DACH1: variants seen among roughly 807,000 people sequenced by gnomAD.
The protein encoded by DACH1 is dachshund homolog 1.
DACH1 carries 12 observed loss-of-function variants against 54.2 expected under a neutral mutation model. The ratio of observed to expected loss-of-function variants is 0.22; its 90% confidence interval spans 0.14 to 0.36. The LOEUF is 0.36. Among genes scored for constraint, DACH1 ranks in the 10% least tolerant of loss-of-function variants. DACH1 has a pLI of 1.00. For missense variants in DACH1, 805 were observed against 929.8 expected, an observed-to-expected ratio of 0.87 and a Z score of 1.75; for synonymous variants, 386 against 366.2, an observed-to-expected ratio of 1.05 and a Z score of -0.62.
chr13:71,822,034 C>G (rs1238930891), intron 1 of DACH1, among the ~76,000 whole-genome samples: 1 of 152,064 alleles, frequency 6.6e-6, no homozygotes, highest in Non-Finnish European at 1.5e-5. Context: ...GCACTCCAGC[C>G]TGGCAACAGA....
At chr13:71,837,102 G>C (rs1224884002) in intron 1 of DACH1, among the ~76,000 whole-genome samples, 1 of 151,736 alleles carries the variant, frequency 6.6e-6, no homozygotes, top group Non-Finnish European at 1.5e-5. Flanking sequence ...AGGGGGAAAT[G>C]AAAATGCATT....
In DACH1 at chr13:71,707,504, G is replaced by T. The variant is rs539352415; in HGVS notation, c.849-25594C>A. ...AACACTTGGTCATGAAAGTGAACTG[G>T]AATTTGGCAAGGGAAAAGAAAGTAA... On this transcript the variant is annotated intron_variant, in intron 1 of 10. Transcript: ENST00000613252. Among the ~76,000 whole-genome samples the T allele has an allele frequency of 1.1e-4, 17 of 152,286 alleles. No individual in the cohort carries two copies. The South Asian group carries it at 3.3e-3, about 30-fold the overall frequency.
intron 1 of DACH1, among the ~76,000 whole-genome samples, chr13:71,829,978 A>G (rs889566738): frequency 1.3e-5 from 2 of 151,884 alleles, no homozygotes; most frequent in Non-Finnish European, 2.9e-5. Flanking sequence ...ATTAATTTGT[A>G]TGCTTTACCT....
chr13:71,695,515 C>T (rs573099804), intron 1 of DACH1, among the ~76,000 whole-genome samples: 6 of 152,082 alleles, frequency 3.9e-5, no homozygotes, highest in East Asian at 3.9e-4. Context: ...AGTCTTCAAG[C>T]GTGAGTATTA....
chr13:71,571,919 TAGATAC>T (rs1172271632), intron 4 of DACH1, among the ~76,000 whole-genome samples: 1 of 151,928 alleles, frequency 6.6e-6, no homozygotes, highest in Non-Finnish European at 1.5e-5. Context: ...GTATTTTTGA[TAGATAC>T]GGGGTTTCAC....
intron 1 of DACH1, among the ~76,000 whole-genome samples, chr13:71,703,652 C>T (rs376157279): frequency 2.0e-5 from 3 of 152,056 alleles, no homozygotes; most frequent in Non-Finnish European, 2.9e-5. Flanking sequence ...AAGTAAACAA[C>T]CTTTATGTGA....
At chr13:71,554,726 T>C (rs1211637450) in intron 6 of DACH1, among the ~76,000 whole-genome samples, 1 of 152,116 alleles carries the variant, frequency 6.6e-6, no homozygotes, top group Non-Finnish European at 1.5e-5. Context: ...ATTCTAGTAG[T>C]GGAAGGATAG....
chr13:71,449,598 G>A (rs1012788099), intron 10 of DACH1, among the ~76,000 whole-genome samples: 1 of 151,734 alleles, frequency 6.6e-6, no homozygotes, highest in African/African-American at 2.4e-5. Flanking sequence ...CCTAGATGAT[G>A]GGTTGATGGG....
intron 1 of DACH1, among the ~76,000 whole-genome samples, chr13:71,734,197 A>AC (rs756535754): frequency 0.74 from 43,831 of 59,272 alleles, 17,719 homozygotes; most frequent in Non-Finnish European, 0.84. Context: ...ATATACGTAT[A>AC]CCCATATATA....
At chr13:71,611,699 A>G (rs764498826) in intron 3 of DACH1, among the ~76,000 whole-genome samples, 1 of 152,216 alleles carries the variant, frequency 6.6e-6, no homozygotes, top group Non-Finnish European at 1.5e-5. Context: ...TTTCAGATTT[A>G]ATATTACATG....
At chr13:71,655,359 C>CT (rs764085708) in intron 2 of DACH1, among the ~76,000 whole-genome samples, 6,085 of 142,914 alleles carry the variant, frequency 0.043, 203 homozygotes, top group Admixed American at 0.098. Flanking sequence ...GGTGATGTCT[C>CT]TTTTTTTTTT....
intron 1 of DACH1, among the ~76,000 whole-genome samples, chr13:71,835,115 T>C (rs1237484541): frequency 1.3e-5 from 2 of 152,022 alleles, no homozygotes; most frequent in South Asian, 2.1e-4. Context: ...GTGAAAACTT[T>C]GGAAATGTTG....
chr13:71,679,408 T>G (rs1490394954), intron 2 of DACH1, among the ~76,000 whole-genome samples: 1 of 152,160 alleles, frequency 6.6e-6, no homozygotes, highest in Non-Finnish European at 1.5e-5. Context: ...TAATCATTAC[T>G]TTGGTAATGA....
At chr13:71,600,544 T>C (rs1331507192) in intron 3 of DACH1, among the ~76,000 whole-genome samples, 1 of 151,968 alleles carries the variant, frequency 6.6e-6, no homozygotes, top group Non-Finnish European at 1.5e-5. Context: ...CATATTTATA[T>C]AATTATAAAA....
intron 10 of DACH1, among the ~76,000 whole-genome samples, chr13:71,444,737 A>G (rs889986149): frequency 6.6e-6 from 1 of 152,182 alleles, no homozygotes; most frequent in African/African-American, 2.4e-5. Flanking sequence ...CCATATTTAC[A>G]TTAACTAGCC....
At chr13:71,588,622 G>C (rs1231809604) in intron 3 of DACH1, among the ~76,000 whole-genome samples, 1 of 151,942 alleles carries the variant, frequency 6.6e-6, no homozygotes, top group Non-Finnish European at 1.5e-5. Context: ...ACAAATGATA[G>C]TCTATTGTAA....
chr13:71,588,726 A>G (rs531238552), intron 3 of DACH1, among the ~76,000 whole-genome samples: 1 of 151,446 alleles, frequency 6.6e-6, no homozygotes, highest in East Asian at 2.0e-4. Flanking sequence ...TTACAATAGA[A>G]ACACTAAGCC....
At chr13:71,664,940 A>T (rs1202796755) in intron 2 of DACH1, among the ~76,000 whole-genome samples, 1 of 152,064 alleles carries the variant, frequency 6.6e-6, no homozygotes, top group Non-Finnish European at 1.5e-5. Context: ...CAATTGTGAC[A>T]TTGCTTTGAC....
intron 1 of DACH1, among the ~76,000 whole-genome samples, chr13:71,788,583 T>TACCCCCCCACAC (rs1207772058): frequency 2.0e-5 from 3 of 151,856 alleles, no homozygotes; most frequent in Non-Finnish European, 4.4e-5. Flanking sequence ...ACATCACACA[T>TACCCCCCCACAC]ACCCCCCCAC....
Sources: allele counts gnomAD v4.1 joint callset (sites outside exome capture counted in the v4.1 genomes callset), GRCh38; gene constraint gnomAD v4.1.1; transcripts MANE v1.5; gene names NCBI Gene and HGNC (gene_info 2026-07-23, HGNC 2026-07-21).